The following DLC1 variants were observed in gnomAD, a reference collection of about 807,000 sequenced individuals.
DLC1 encodes the protein rho GTPase-activating protein 7.
In DLC1, 54 loss-of-function variants were observed where a neutral mutation model predicts 140.3. That is an observed-to-expected ratio of 0.38 (90% CI 0.31 to 0.48). DLC1 has a LOEUF of 0.48. DLC1 is among the 20% of genes least tolerant of loss of function. The pLI, the probability that DLC1 is intolerant of heterozygous loss-of-function variation, is 0.96. For missense variants in DLC1, 2,536 were observed against 1,907.0 expected (o/e 1.33, Z -6.14); for synonymous variants, 986 against 728.1 (o/e 1.35, Z -5.70).
At chr8:13,521,498 C>G (rs1256239349) in intron 1 of DLC1, among the ~76,000 whole-genome samples, 12 of 152,134 alleles carry the variant, frequency 7.9e-5, no homozygotes, top group Non-Finnish European at 1.8e-4. Context: ...GCCACGCATT[C>G]TCTCCTACAC....
intron 5 of DLC1, among the ~76,000 whole-genome samples, chr8:13,303,315 T>C (rs762115369): frequency 1.3e-5 from 2 of 152,142 alleles, no homozygotes; most frequent in African/African-American, 4.8e-5. Flanking sequence ...TGTCATCTTA[T>C]GGAACCTCTG....
chr8:13,450,452 C>CAAAAAAAA (rs759911909), intron 2 of DLC1, among the ~76,000 whole-genome samples: 2 of 53,360 alleles, frequency 3.7e-5, no homozygotes, highest in Non-Finnish European at 6.6e-5. Flanking sequence ...GAGACTGTCT[C>CAAAAAAAA]AAAAAAAAAA....
chr8:13,155,122 A>C (rs1585790660), intron 5 of DLC1, among the ~76,000 whole-genome samples: 1 of 135,322 alleles, frequency 7.4e-6, no homozygotes, highest in Admixed American at 7.6e-5. Flanking sequence ...ACTTTCTACA[A>C]CTTGCGCTGC....
chr8:13,377,062 A>G (rs145265833), intron 4 of DLC1, among the ~76,000 whole-genome samples: 1 of 152,318 alleles, frequency 6.6e-6, no homozygotes, highest in East Asian at 1.9e-4. Flanking sequence ...TGGTTTGGGT[A>G]GATTAAAATC....
intron 5 of DLC1, among the ~76,000 whole-genome samples, chr8:13,293,543 A>G (rs1232016159): frequency 6.6e-6 from 1 of 152,234 alleles, no homozygotes; most frequent in African/African-American, 2.4e-5. Context: ...AGATTGATTC[A>G]AAACTATTTC....
chr8:13,568,399 C>T (rs759283301), intron 1 of DLC1: 1 of 165,924 alleles, frequency 6.0e-6, no homozygotes, highest in Admixed American at 6.2e-5. Context: ...ATTATTTGGA[C>T]ATATAAGGTG....
chr8:13,460,781 G>T (rs1258627304), intron 2 of DLC1, among the ~76,000 whole-genome samples: 2 of 152,238 alleles, frequency 1.3e-5, no homozygotes, highest in African/African-American at 4.8e-5. Context: ...TTACAGCCAG[G>T]CATTCTTAGG....
intron 8 of DLC1, among the ~76,000 whole-genome samples, chr8:13,101,433 C>CCTTCCATTGTGCTGT (rs1372743123): frequency 1.3e-5 from 2 of 152,192 alleles, no homozygotes; most frequent in Non-Finnish European, 2.9e-5. Context: ...CTCTGGGCTG[C>CCTTCCATTGTGCTGT]CTTCCATTGT....
At chr8:13,244,300 T>A (rs968634577) in intron 5 of DLC1, among the ~76,000 whole-genome samples, 4 of 104,588 alleles carry the variant, frequency 3.8e-5, no homozygotes, top group African/African-American at 1.5e-4. Flanking sequence ...CTTTCCAATT[T>A]TTTTTTTTTT....
At position 13,321,251 on chromosome 8, in the gene DLC1, AAAT is replaced by A. The variant is rs374517575; in HGVS notation, c.1315-15952_1315-15950del. The stretch of plus-strand genomic sequence containing the variant: ...GAGAGTATTAAGTGATTCAAAAATG[AAAT>A]ACTGGCCCGGCGCAATGGCTCATGC... On this transcript the variant is annotated intron_variant, in intron 4 of 17. Coordinates refer to ENST00000276297, the MANE Select transcript of DLC1 (RefSeq NM_182643.3). Among the ~76,000 whole-genome samples, 28 of 152,322 alleles carry A rather than the reference AAAT, an allele frequency of 1.8e-4. 1 individual carries two copies. Among genetic ancestry groups the A allele is most frequent in the African/African-American group, 6.7e-4 (28 of 41,580 alleles).
In DLC1 at chr8:13,154,868, T is replaced by G. The variant is rs563624001; in HGVS notation, c.1349-39211A>C. On this transcript the variant is annotated intron_variant, in intron 5 of 17. Coordinates refer to ENST00000276297, the MANE Select transcript of DLC1 (RefSeq NM_182643.3). ...ACTTAGAAATAAGCGCTATTAAAATTTTGATAGGTAGATAAGGGAATCCTA... is the reference window on the plus strand; with the variant it reads ...ACTTAGAAATAAGCGCTATTAAAATGTTGATAGGTAGATAAGGGAATCCTA... Among the ~76,000 whole-genome samples the G allele has an allele frequency of 3.0e-3, 456 of 152,286 alleles. 1 individual carries two copies. Among genetic ancestry groups the G allele is most frequent in the Middle Eastern group, 0.01 (3 of 294 alleles).
At chr8:13,287,988 A>G (rs1055784237) in intron 5 of DLC1, among the ~76,000 whole-genome samples, 2 of 152,104 alleles carry the variant, frequency 1.3e-5, no homozygotes, top group Admixed American at 6.5e-5. Flanking sequence ...CTTTAAATTC[A>G]TACGTTATCT....
chr8:13,383,453 G>A (rs550097386), intron 4 of DLC1, among the ~76,000 whole-genome samples: 2 of 152,272 alleles, frequency 1.3e-5, no homozygotes, highest in South Asian at 4.1e-4. Flanking sequence ...ACCTGGATCT[G>A]ATTTATTTAA....
chr8:13,171,796 T>A (rs1034509132), intron 5 of DLC1, among the ~76,000 whole-genome samples: 1 of 152,180 alleles, frequency 6.6e-6, no homozygotes, highest in Non-Finnish European at 1.5e-5. Context: ...GCTAGAGTAC[T>A]TGGAGGCTCA....
rs1418038577 is a variant in DLC1, at chr8:13,094,864, G to C, written c.3421C>G (p.Gln1141Glu). 6.2e-7 allele frequency: 1 copy of C among 1,614,246 alleles called. No individual in the cohort carries two copies. Among genetic ancestry groups the C allele is most frequent in the East Asian group, 2.2e-5 (1 of 44,888 alleles). Residue 1141 changes from glutamine to glutamate, a missense_variant, in exon 12 of 18, where the codon CAG (glutamine) becomes GAG (glutamate). Transcript: ENST00000276297. ...ATGTCTGCCACGTCATAAGCAGACT[G>C]TCCTTCGTAGTTGACACAGTCTATG... Reference protein sequence around the residue: ...GAIDCVNYEGQSAYDVADMLK... With the variant: ...GAIDCVNYEGESAYDVADMLK...
intron 2 of DLC1, among the ~76,000 whole-genome samples, chr8:13,482,472 G>A (rs1019545362): frequency 6.6e-6 from 1 of 152,142 alleles, no homozygotes; most frequent in Non-Finnish European, 1.5e-5. Flanking sequence ...CTTTATTCAG[G>A]TTAAGCGGTG....
intron 2 of DLC1, among the ~76,000 whole-genome samples, chr8:13,467,245 A>G (rs183728797): frequency 2.1e-4 from 32 of 152,316 alleles, no homozygotes; most frequent in Non-Finnish European, 4.7e-4. Flanking sequence ...TTAGTAGACA[A>G]TCAGCTTCAA....
intron 4 of DLC1, among the ~76,000 whole-genome samples, chr8:13,383,290 C>T (rs942756740): frequency 2.6e-5 from 4 of 152,168 alleles, no homozygotes; most frequent in African/African-American, 9.6e-5. Flanking sequence ...TCTGTTTCCT[C>T]CTTTTATTGA....
At chr8:13,381,043 G>A (rs2117159655) in intron 4 of DLC1, among the ~76,000 whole-genome samples, 1 of 152,296 alleles carries the variant, frequency 6.6e-6, no homozygotes, top group East Asian at 1.9e-4. Flanking sequence ...TAGACATGGA[G>A]GGCTTGACAT....
Sources: gnomAD v4.1 joint callset for allele counts (sites outside exome capture counted in the v4.1 genomes callset) on GRCh38, gnomAD v4.1.1 for gene constraint, MANE v1.5 for transcripts, NCBI Gene and HGNC (gene_info 2026-07-23, HGNC 2026-07-21) for gene names.